The following MBP variants were observed in gnomAD, a reference collection of about 807,000 sequenced individuals.
The protein encoded by MBP is myelin basic protein, also known as Golli-MBP.
Under a neutral mutation model 35.8 loss-of-function variants are expected in MBP, and 16 were observed. That is an observed-to-expected ratio of 0.45 (90% confidence interval 0.30 to 0.68). The LOEUF is 0.68. Among genes scored for constraint, MBP ranks in the 30% least tolerant of loss-of-function variants. MBP has a pLI of 0.08. For missense variants in MBP, 380 were observed against 404.7 expected, an observed-to-expected ratio of 0.94 and a Z score of 0.52; for synonymous variants, 143 against 159.6, an observed-to-expected ratio of 0.90 and a Z score of 0.78.
intron 3 of MBP, among the ~76,000 whole-genome samples, chr18:77,029,168 G>C (rs1046638413): frequency 4.0e-5 from 5 of 123,458 alleles, no homozygotes; most frequent in Non-Finnish European, 9.6e-5. Context: ...CGGCACCTCG[G>C]GAGGCCGAGG....
chr18:77,008,483 C>A (rs1030072688), intron 4 of MBP, among the ~76,000 whole-genome samples: 1 of 152,224 alleles, frequency 6.6e-6, no homozygotes, highest in Non-Finnish European at 1.5e-5. Context: ...CACAGACTCT[C>A]AGGATGGGCT....
chr18:77,056,956 C>T (rs1186404233), intron 3 of MBP, among the ~76,000 whole-genome samples: 1 of 152,152 alleles, frequency 6.6e-6, no homozygotes, highest in Non-Finnish European at 1.5e-5. Context: ...ACGCCCACAC[C>T]CACGGCGTGA....
chr18:77,034,438 G>A (rs528792322), intron 3 of MBP, among the ~76,000 whole-genome samples: 2 of 152,144 alleles, frequency 1.3e-5, no homozygotes, highest in Non-Finnish European at 2.9e-5. Flanking sequence ...AGTTGAGCCT[G>A]ACCCAGAGAC....
chr18:77,051,620 A>G (rs1973491857), intron 3 of MBP, among the ~76,000 whole-genome samples: 1 of 152,214 alleles, frequency 6.6e-6, no homozygotes, highest in Admixed American at 6.5e-5. Context: ...ATCACTAAGA[A>G]GAGTTGAGGG....
At chr18:76,985,463 A>G in intron 7 of MBP, 2 of 1,187,708 alleles carry the variant, frequency 1.7e-6, no homozygotes, top group Non-Finnish European at 2.1e-6. Flanking sequence ...GCCTTAGTAA[A>G]ATGTCGAGCC....
rs1969713595 is a variant in MBP, at chr18:76,988,706, C to T, written c.717+171G>A. The T allele has an allele frequency of 7.4e-7, 1 of 1,356,984 alleles. No individual in the cohort carries two copies. Among genetic ancestry groups the T allele is most frequent in the Middle Eastern group, 2.2e-4 (1 of 4,478 alleles). 84.1% of individuals were successfully genotyped at this position (1,356,984 alleles called of 1,614,324 possible). A position where few individuals can be genotyped will look rare whatever the true frequency, so the allele number is the denominator to read the frequency against. On this transcript the variant is annotated intron_variant, in intron 6 of 8. Transcript: ENST00000355994. The surrounding 1 kb of genome is among the most constrained non-coding windows in gnomAD (Gnocchi z 5.2). ...AGCGGCTGTGCAGGTGCGGGAGGGA[C>T]AGGAGGGGTGCATGGATCTGCCGAC...
intron 1 of MBP, among the ~76,000 whole-genome samples, chr18:77,125,022 C>T (rs558060142): frequency 1.3e-4 from 20 of 152,296 alleles, no homozygotes; most frequent in African/African-American, 4.6e-4. Flanking sequence ...GGCTCCTGCC[C>T]GTTTCTGCAC....
intron 4 of MBP, among the ~76,000 whole-genome samples, chr18:76,996,630 A>G (rs1970284450): frequency 6.6e-6 from 1 of 152,130 alleles, no homozygotes; most frequent in Non-Finnish European, 1.5e-5. Context: ...AAAAGGTTTC[A>G]TACTGTGTGG....
At chr18:76,983,880 C>G (rs1393889093) in intron 8 of MBP, 2 of 152,276 alleles carry the variant, frequency 1.3e-5, no homozygotes, top group African/African-American at 4.8e-5. Context: ...AGTCAAAGGT[C>G]AGGTGACTGA....
At chr18:77,016,490 G>A (rs887901626) in intron 4 of MBP, 7 of 1,139,728 alleles carry the variant, frequency 6.1e-6, no homozygotes, top group African/African-American at 3.1e-5. Flanking sequence ...CATCAAGTCC[G>A]CAAGCACACA....
chr18:77,059,688 T>A (rs1321712053), intron 3 of MBP, among the ~76,000 whole-genome samples: 4 of 152,186 alleles, frequency 2.6e-5, no homozygotes, highest in Non-Finnish European at 5.9e-5. Flanking sequence ...TGAGAAGCCA[T>A]TTGGTATGTC....
rs111578638 is a variant in MBP, at chr18:76,987,136, G to A, written c.750+1359C>T. The A allele has an allele frequency of 2.3e-4, 223 of 985,342 alleles. No individual in the cohort carries two copies. The African/African-American group carries it at 3.7e-3, about 16-fold the overall frequency. The allele number at this position is 985,342 out of a possible 1,614,324, so 61.0% of individuals were successfully genotyped here. On this transcript the variant is annotated intron_variant, in intron 7 of 8. Transcript: ENST00000355994. ...GCTGCTGGGGCAGAACGGCCTGTGT[G>A]CAACCCCCCATCGCTCCACATTCAG...
chr18:77,105,226 G>C lies in MBP; in HGVS notation c.36C>G (p.Ala12=), dbSNP rs368195905. 1.1e-5 allele frequency: 17 copies of C among 1,612,416 alleles called. No individual in the cohort carries two copies. Among genetic ancestry groups the C allele is most frequent in the East Asian group, 2.2e-5 (1 of 44,838 alleles). The change falls in exon 2 of 9, where the codon GCC becomes GCG. Residue 12 remains alanine (A), a synonymous_variant. Coordinates refer to ENST00000355994, the MANE Select transcript of MBP (RefSeq NM_001025101.2). ...CACGTCTTACCGTACTGGCCTTCTC[G>C]GCATTTAATTCTCGTTTGCCTGCGT... ...GNHAGKRELN[A]EKASTNSETN...
chr18:77,041,836 A>C (rs1973012458), intron 3 of MBP, among the ~76,000 whole-genome samples: 1 of 151,128 alleles, frequency 6.6e-6, no homozygotes, highest in South Asian at 2.1e-4. Context: ...TTAAACGACG[A>C]GTTACTGGGT....
intron 1 of MBP, among the ~76,000 whole-genome samples, chr18:77,111,067 C>G (rs1419808731): frequency 3.3e-5 from 5 of 152,194 alleles, no homozygotes; most frequent in African/African-American, 7.2e-5. Flanking sequence ...TGCTAGACCT[C>G]TCGCTGGGTC....
intron 1 of MBP, among the ~76,000 whole-genome samples, chr18:77,119,464 A>C (rs1394824576): frequency 1.3e-5 from 2 of 151,908 alleles, no homozygotes; most frequent in African/African-American, 4.8e-5. Context: ...GGTACATGGT[A>C]GGTACATGAC....
chr18:77,072,937 G>A (rs988344665), intron 2 of MBP, among the ~76,000 whole-genome samples: 2 of 152,210 alleles, frequency 1.3e-5, no homozygotes, highest in African/African-American at 4.8e-5. Context: ...GTCAGCAATG[G>A]TCAACCCTCC....
rs546101518 is a variant in MBP, at chr18:76,985,650, G to T, written c.751-756C>A. On this transcript the variant is annotated intron_variant, in intron 7 of 8. Coordinates refer to ENST00000355994, the MANE Select transcript of MBP (RefSeq NM_001025101.2). Reference sequence around the variant, plus strand: ...GGGGGGCGGCCGCATCCTGGCAGCAGCGGGACAGCGTCTCAGCTCCCCCAC... The same window carrying T: ...GGGGGGCGGCCGCATCCTGGCAGCATCGGGACAGCGTCTCAGCTCCCCCAC... The T allele has an allele frequency of 7.5e-6, 8 of 1,061,848 alleles. No homozygotes were observed. In the African/African-American group the frequency reaches 1.0e-4, roughly 13 times the overall value. 65.8% of individuals were successfully genotyped at this position (1,061,848 alleles called of 1,614,324 possible). A position where few individuals can be genotyped will look rare whatever the true frequency, so the allele number is the denominator to read the frequency against.
chr18:77,023,074 C>T (rs1482351237), intron 3 of MBP, among the ~76,000 whole-genome samples: 3 of 152,210 alleles, frequency 2.0e-5, no homozygotes, highest in African/African-American at 7.2e-5. Context: ...TAAACAACAA[C>T]ACCACACCCT....
Sources: allele counts gnomAD v4.1 joint callset (sites outside exome capture counted in the v4.1 genomes callset), GRCh38; gene constraint gnomAD v4.1.1; non-coding constraint Gnocchi (gnomAD v3.1); transcripts MANE v1.5; gene names NCBI Gene and HGNC (gene_info 2026-07-23, HGNC 2026-07-21).